CREB3L2: variants seen among roughly 807,000 people sequenced by gnomAD.
CREB3L2 encodes cyclic AMP-responsive element-binding protein 3-like protein 2.
A neutral mutation model predicts 57.2 loss-of-function variants in CREB3L2; 23 were observed. That is an observed-to-expected ratio of 0.40 (90% CI 0.29 to 0.57). The LOEUF (loss-of-function observed/expected upper bound fraction) is 0.57. Ranked by LOEUF, CREB3L2 falls within the 20% of genes least tolerant of loss-of-function variation. CREB3L2 has a pLI of 0.42. For synonymous variants in CREB3L2, 268 were observed against 265.1 expected, an observed-to-expected ratio of 1.01 and a Z score of -0.11; for missense variants, 628 against 634.7, an observed-to-expected ratio of 0.99 and a Z score of 0.11.
At chr7:137,889,379 A>G (rs578154738) in intron 8 of CREB3L2, among the ~76,000 whole-genome samples, 1 of 152,196 alleles carries the variant, frequency 6.6e-6, no homozygotes, top group South Asian at 2.1e-4. Context: ...GTGTTTCCTG[A>G]CTGCACAGCA....
chr7:137,987,368 G>A (rs539830814), intron 1 of CREB3L2, among the ~76,000 whole-genome samples: 4 of 151,986 alleles, frequency 2.6e-5, no homozygotes, highest in African/African-American at 4.8e-5. Context: ...GTGCCTAGTC[G>A]TTTGAATAAG....
intron 1 of CREB3L2, among the ~76,000 whole-genome samples, chr7:137,939,142 C>A (rs1159989029): frequency 2.0e-5 from 3 of 152,180 alleles, no homozygotes. Flanking sequence ...CAAGTACCAA[C>A]AGGAATAAAA....
chr7:137,963,233 C>A (rs1229705198), intron 1 of CREB3L2, among the ~76,000 whole-genome samples: 1 of 152,212 alleles, frequency 6.6e-6, no homozygotes, highest in East Asian at 1.9e-4. Context: ...AGGCTCTAAG[C>A]CAGAATTTAC....
At chr7:137,967,452 T>C (rs552423526) in intron 1 of CREB3L2, among the ~76,000 whole-genome samples, 2 of 152,182 alleles carry the variant, frequency 1.3e-5, no homozygotes, top group Admixed American at 6.5e-5. Context: ...ACCACACTAC[T>C]AGCGGATGTA....
chr7:137,992,257 C>A (rs1801911969), intron 1 of CREB3L2, among the ~76,000 whole-genome samples: 1 of 152,078 alleles, frequency 6.6e-6, no homozygotes, highest in South Asian at 2.1e-4. Flanking sequence ...GACCTACCCC[C>A]ACAGGATGCC....
In CREB3L2 at chr7:137,901,583, GA is replaced by G. The variant is rs973300802; in HGVS notation, c.975-162del. Among the ~76,000 whole-genome samples, 277 of 134,730 alleles carry G rather than the reference GA, an allele frequency of 2.1e-3. 1 individual carries two copies. Among genetic ancestry groups the G allele is most frequent in the African/African-American group, 4.9e-3 (178 of 36,694 alleles). 88.4% of individuals were successfully genotyped at this position (134,730 alleles called of 152,430 possible). ...TTGAAAGAAGGATGAAGAGACTTAA[GA>G]AAAAAAAAAAAATAGGCCGGGCACG... is the stretch of plus-strand genomic sequence containing the variant. On this transcript the variant is annotated intron_variant, in intron 7 of 11. Coordinates refer to ENST00000330387, the MANE Select transcript of CREB3L2 (RefSeq NM_194071.4).
intron 1 of CREB3L2, among the ~76,000 whole-genome samples, chr7:137,958,323 C>T (rs1270222492): frequency 6.6e-6 from 1 of 152,176 alleles, no homozygotes; most frequent in Non-Finnish European, 1.5e-5. Context: ...CCTAAGTCTA[C>T]TGTCTTGGGA....
intron 3 of CREB3L2, among the ~76,000 whole-genome samples, chr7:137,914,494 T>C (rs997059568): frequency 1.5e-4 from 23 of 152,256 alleles, no homozygotes; most frequent in Middle Eastern, 3.4e-3. Context: ...TAGCCAGGCG[T>C]GGTGGCTGGT....
Position 137,918,562 on chromosome 7 carries a change from C to T in CREB3L2, c.320-2550G>A, listed in dbSNP as rs138020241. Among the ~76,000 whole-genome samples the T allele has an allele frequency of 7.4e-3, 1,123 of 152,054 alleles. 9 individuals are homozygous for T. The highest frequency in any genetic ancestry group is 0.024 in the African/African-American group (983 of 41,480). On this transcript the variant is annotated intron_variant, in intron 2 of 11. Transcript: ENST00000330387. ...TCCCTGGCAAAGGCTGGAAGAAAGA[C>T]GGTAGGATGAAATATAGCCTCAGTA...
intron 1 of CREB3L2, among the ~76,000 whole-genome samples, chr7:137,932,709 A>G (rs566450670): frequency 1.1e-4 from 17 of 152,374 alleles, no homozygotes; most frequent in African/African-American, 3.8e-4. Flanking sequence ...AGTCCCTAGA[A>G]GCTTACAAAG....
chr7:137,955,250 A>G, intron 1 of CREB3L2: 14 of 1,287,102 alleles, frequency 1.1e-5, no homozygotes, highest in Non-Finnish European at 1.4e-5. Flanking sequence ...TCCAACAGGT[A>G]TAGAAAAAGC....
rs536329800 is a variant in CREB3L2 at position 137,878,905 on chromosome 7, G to A, written c.*1571C>T. 8.7e-5 allele frequency: 34 copies of A among 392,748 alleles called. No individual in the cohort carries two copies. The highest frequency in any genetic ancestry group is 7.4e-4 in the Middle Eastern group (1 of 1,352). 24.3% of individuals were successfully genotyped at this position (392,748 alleles called of 1,614,324 possible). A position where few individuals can be genotyped will look rare whatever the true frequency, so the allele number is the denominator to read the frequency against. The stretch of plus-strand genomic sequence containing the variant: ...AGGCTCCAATAACAATGCAGATGAC[G>A]TGTGTGGGGGTGGGTGGTGGGGGGA... On this transcript the variant is annotated 3_prime_UTR_variant, in exon 12 of 12. Transcript: ENST00000330387.
intron 1 of CREB3L2, chr7:137,956,646 G>T: frequency 7.8e-7 from 1 of 1,288,646 alleles, no homozygotes; most frequent in South Asian, 1.2e-5. Context: ...AGCAGCCCAG[G>T]TAAGCCATAT....
chr7:137,971,932 T>TAA (rs35116639), intron 1 of CREB3L2, among the ~76,000 whole-genome samples: 40 of 145,880 alleles, frequency 2.7e-4, no homozygotes, highest in African/African-American at 7.3e-4. Context: ...TTCACTTCCT[T>TAA]AAAAAAAAAA....
At chr7:137,881,824 A>T (rs993322855) in intron 11 of CREB3L2, among the ~76,000 whole-genome samples, 5 of 152,204 alleles carry the variant, frequency 3.3e-5, no homozygotes, top group African/African-American at 9.7e-5. Context: ...GAAACTGAGA[A>T]ACAACTCATG....
chr7:137,988,395 A>T (rs1801826119), intron 1 of CREB3L2, among the ~76,000 whole-genome samples: 1 of 152,234 alleles, frequency 6.6e-6, no homozygotes, highest in Admixed American at 6.5e-5. Context: ...TTCCTTCTGC[A>T]GGCTCATATT....
chr7:137,923,257 T>C (rs190392678), intron 2 of CREB3L2, among the ~76,000 whole-genome samples: 1 of 152,306 alleles, frequency 6.6e-6, no homozygotes, highest in Admixed American at 6.5e-5. Context: ...CGCAGAGAAG[T>C]CATTATTTTA....
chr7:137,937,642 A>G (rs1743882350), intron 1 of CREB3L2, among the ~76,000 whole-genome samples: 2 of 152,214 alleles, frequency 1.3e-5, no homozygotes, highest in South Asian at 2.1e-4. Flanking sequence ...ATGTAGGCCC[A>G]TTACATATTT....
In CREB3L2 at chr7:137,911,422, T is replaced by C. The variant is rs146689517; in HGVS notation, c.583+1569A>G. Among the ~76,000 whole-genome samples, 1,013 of 152,362 alleles carry C rather than the reference T, an allele frequency of 6.6e-3. 9 individuals carry two copies. The highest frequency in any genetic ancestry group is 0.024 in the African/African-American group (982 of 41,584). The stretch of plus-strand genomic sequence containing the variant: ...CAGACGATATTTTCATGAGAAGTGC[T>C]CATATGTAAACATCCTCACATTTAT... On this transcript the variant is annotated intron_variant, in intron 4 of 11. Transcript: ENST00000330387.
Sources: allele counts gnomAD v4.1 joint callset (sites outside exome capture counted in the v4.1 genomes callset), GRCh38; gene constraint gnomAD v4.1.1; transcripts MANE v1.5; gene names NCBI Gene and HGNC (gene_info 2026-07-23, HGNC 2026-07-21).